The following MYH15 variants were observed in gnomAD, a reference collection of about 807,000 sequenced individuals.
The protein encoded by MYH15 is myosin heavy chain 15.
MYH15 carries 227 observed loss-of-function variants against 240.5 expected under a neutral mutation model. The ratio of observed to expected loss-of-function variants is 0.94; its 90% CI spans 0.85 to 1.05. MYH15 has a LOEUF of 1.05. Among genes scored for constraint, MYH15 ranks in the 50% least tolerant of loss-of-function variants. The pLI is 0.00. For synonymous variants in MYH15, 785 were observed against 796.7 expected (o/e 0.99, Z 0.25); for missense variants, 2,217 against 2,247.5 (o/e 0.99, Z 0.27).
chr3:108,424,968 G>T (rs975916333), intron 27 of MYH15, among the ~76,000 whole-genome samples: 2 of 152,194 alleles, frequency 1.3e-5, no homozygotes, highest in African/African-American at 4.8e-5. Flanking sequence ...GCTAGTAATT[G>T]AGTGCAGAGA....
chr3:108,493,846 G>C (rs1218806809), intron 7 of MYH15, among the ~76,000 whole-genome samples: 1 of 152,208 alleles, frequency 6.6e-6, no homozygotes, highest in Admixed American at 6.5e-5. Context: ...GTGTGCTTGG[G>C]AGACATTGTA....
At chr3:108,501,588 C>T (rs2083438208) in intron 3 of MYH15, 124 bp downstream of exon 3, 4 of 1,229,428 alleles carry the variant, frequency 3.3e-6, no homozygotes, top group Non-Finnish European at 3.4e-6. Flanking sequence ...TCCCAGTAGA[C>T]ATTGCTCAAG....
chr3:108,389,441 G>A (rs2082407532), intron 37 of MYH15, among the ~76,000 whole-genome samples: 1 of 152,146 alleles, frequency 6.6e-6, no homozygotes, highest in Non-Finnish European at 1.5e-5. Flanking sequence ...ATCTTAAGCT[G>A]CTTTCCCTAT....
rs772978731 is a variant in MYH15, at chr3:108,464,618, G to T, written c.1731+20C>A. ...ACAAAGTCAGGAAAATTCAAGACCG[G>T]GGGTCCAGAGGTAACTCACCACTCC... is the stretch of plus-strand genomic sequence containing the variant. On this transcript the variant is annotated intron_variant, in intron 15 of 40. Coordinates refer to ENST00000693548, the MANE Select transcript of MYH15 (RefSeq NM_014981.3). 6.3e-7 allele frequency: 1 copy of T among 1,578,404 alleles called. No individual in the cohort carries two copies. The highest frequency in any genetic ancestry group is 1.2e-5 in the South Asian group (1 of 85,200).
At chr3:108,455,913 A>G (rs1198453339) in intron 19 of MYH15, 54 bp from the exon 20 acceptor site, 1 of 1,540,304 alleles carries the variant, frequency 6.5e-7, no homozygotes, top group East Asian at 2.3e-5. Context: ...TTATTCAAAT[A>G]AAGACTAATC....
intron 23 of MYH15, 22 bp from the exon 24 acceptor site, chr3:108,439,935 T>G: frequency 6.5e-7 from 1 of 1,534,572 alleles, no homozygotes; most frequent in Non-Finnish European, 8.8e-7. Flanking sequence ...AGATGACAGC[T>G]TCATTAAAGC....
intron 29 of MYH15, 28 bp from the exon 30 acceptor site, chr3:108,414,456 G>A (rs764620337): frequency 6.3e-7 from 1 of 1,583,206 alleles, no homozygotes; most frequent in South Asian, 1.1e-5. Flanking sequence ...TAACAAAAAG[G>A]TCATGACCAC....
rs527748686 is a variant in MYH15 at position 108,436,579 on chromosome 3, G to A, written c.3221+975C>T. Among the ~76,000 whole-genome samples the A allele has an allele frequency of 3.3e-5, 5 of 152,074 alleles. No individual in the cohort carries two copies. In the South Asian group the frequency reaches 6.3e-4, roughly 19 times the overall value. Reference sequence around the variant, plus strand: ...TTTTGAGACAGAGTCTCGCTCTGTCGCCAGGCTGGAGTACAGTGGCATGAT... The same window carrying A: ...TTTTGAGACAGAGTCTCGCTCTGTCACCAGGCTGGAGTACAGTGGCATGAT... On this transcript the variant is annotated intron_variant, in intron 25 of 40. Transcript: ENST00000693548.
chr3:108,535,338 T>A, the MYH15 span, among the ~76,000 whole-genome samples: 1 of 152,288 alleles, frequency 6.6e-6, no homozygotes, highest in East Asian at 1.9e-4. Context: ...AGATTTGGTG[T>A]CTGATGAGGG....
chr3:108,541,458 A>T, the MYH15 span, among the ~76,000 whole-genome samples: 1 of 148,824 alleles, frequency 6.7e-6, no homozygotes, highest in Admixed American at 6.7e-5. Context: ...GAACCCAGTT[A>T]AAAAAAAAAG....
chr3:108,430,835 A>G lies in MYH15; in HGVS notation c.3309T>C (p.Leu1103=). Residue 1103 remains leucine, a synonymous_variant, in exon 26 of 41, where the codon CTT becomes CTC. Coordinates refer to ENST00000693548, the MANE Select transcript of MYH15 (RefSeq NM_014981.3). The part of the protein sequence containing the change: ...VAQLQKTVKE[L]QTQIKDLKEK... Reference sequence around the variant, plus strand: ...GGCATATTTGATAATTGATTACCTGAAGCTCTTTAACCGTCTTCTGAAGCT... The same window carrying G: ...GGCATATTTGATAATTGATTACCTGGAGCTCTTTAACCGTCTTCTGAAGCT... The G allele has an allele frequency of 6.2e-7, 1 of 1,609,348 alleles. No homozygotes were observed. The highest frequency in any genetic ancestry group is 8.5e-7 in the Non-Finnish European group (1 of 1,177,526).
chr3:108,471,226 A>G (rs1391167821), intron 12 of MYH15, among the ~76,000 whole-genome samples: 1 of 152,108 alleles, frequency 6.6e-6, no homozygotes, highest in Non-Finnish European at 1.5e-5. Context: ...TCATGTTCCT[A>G]TTATTAAAGG....
Position 108,430,820 on chromosome 3 carries a change from A to G in MYH15, c.3312+12T>C. ...AAATATAAATACACAGGCATATTTGATAATTGATTACCTGAAGCTCTTTAA... is the reference window on the plus strand; with the variant it reads ...AAATATAAATACACAGGCATATTTGGTAATTGATTACCTGAAGCTCTTTAA... On this transcript the variant is annotated intron_variant, in intron 26 of 40. Transcript: ENST00000693548. 1 of 1,594,874 alleles carries G rather than the reference A, an allele frequency of 6.3e-7. No homozygotes were observed. Among genetic ancestry groups the G allele is most frequent in the Non-Finnish European group, 8.6e-7 (1 of 1,165,338 alleles).
intron 30 of MYH15, among the ~76,000 whole-genome samples, chr3:108,411,743 G>C (rs1417796943): frequency 6.6e-6 from 1 of 152,170 alleles, no homozygotes. Flanking sequence ...AGTACTGTAT[G>C]TACCAAAGCT....
chr3:108,394,837 G>T (rs2107538054), intron 35 of MYH15, among the ~76,000 whole-genome samples: 1 of 152,196 alleles, frequency 6.6e-6, no homozygotes, highest in African/African-American at 2.4e-5. Flanking sequence ...CTTTTCTGAG[G>T]GTGTGAAAAC....
chr3:108,421,261 C>CT, intron 27 of MYH15, 47 bp from the exon 28 acceptor site: 1 of 1,591,252 alleles, frequency 6.3e-7, no homozygotes, highest in Non-Finnish European at 8.5e-7. Context: ...AGAGGATACT[C>CT]TGAATCAGCT....
chr3:108,391,183 G>A (rs572282899), intron 37 of MYH15, among the ~76,000 whole-genome samples: 1 of 152,156 alleles, frequency 6.6e-6, no homozygotes, highest in South Asian at 2.1e-4. Flanking sequence ...CATTCTTGTA[G>A]CATTTATCAT....
chr3:108,498,401 T>C (rs2083410419), intron 5 of MYH15, among the ~76,000 whole-genome samples: 1 of 152,166 alleles, frequency 6.6e-6, no homozygotes, highest in Admixed American at 6.5e-5. Flanking sequence ...AGGAAGCCTG[T>C]TCCTTGTGGT....
At chr3:108,456,651 G>T in intron 19 of MYH15, 115 bp downstream of exon 19, 3 of 718,008 alleles carry the variant, frequency 4.2e-6, no homozygotes, top group African/African-American at 1.8e-5. Flanking sequence ...AAAACACATC[G>T]ATTTGTAGTC....
Sources: gnomAD v4.1 joint callset for allele counts (sites outside exome capture counted in the v4.1 genomes callset) on GRCh38, gnomAD v4.1.1 for gene constraint, MANE v1.5 for transcripts, NCBI Gene and HGNC (gene_info 2026-07-23, HGNC 2026-07-21) for gene names.